Variants in PJA2 observed in about 807,000 individuals in gnomAD.
PJA2 encodes E3 ubiquitin-protein ligase Praja-2.
PJA2 carries 25 observed loss-of-function variants against 69.3 expected under a neutral mutation model. The observed-to-expected ratio is 0.36, with a 90% CI of 0.26 to 0.50. The LOEUF is 0.50. Ranked by LOEUF, PJA2 falls within the 20% of genes least tolerant of loss-of-function variation. The pLI, the probability that PJA2 is intolerant of heterozygous loss-of-function variation, is 0.96. For missense variants in PJA2, 809 were observed against 830.2 expected, an observed-to-expected ratio of 0.97 and a Z score of 0.31; for synonymous variants, 308 against 277.8, an observed-to-expected ratio of 1.11 and a Z score of -1.08.
intron 4 of PJA2, among the ~76,000 whole-genome samples, chr5:109,374,812 G>A (rs978439127): frequency 6.6e-6 from 1 of 152,194 alleles, no homozygotes; most frequent in Non-Finnish European, 1.5e-5. Flanking sequence ...TCTCTTCAGA[G>A]CAGTTAGGCC....
rs1747428737 is a variant in PJA2 at position 109,396,895 on chromosome 5, G to GA, written c.-88+12946dup. Among the ~76,000 whole-genome samples the GA allele has an allele frequency of 2.0e-5, 3 of 152,018 alleles. No homozygotes were observed. The South Asian group carries it at 6.2e-4, about 32-fold the overall frequency. The stretch of plus-strand genomic sequence containing the variant: ...AAAGAAAGTGAAAAGAAATATAAAA[G>GA]AAAAAATTGAGACATATAAGAAAAT... On this transcript the variant is annotated intron_variant, in intron 1 of 9. Transcript: ENST00000361189.
rs149500652 is a variant in PJA2 at position 109,371,594 on chromosome 5, T to C, written c.1284-2848A>G. Among the ~76,000 whole-genome samples the C allele has an allele frequency of 8.9e-4, 136 of 152,308 alleles. 2 individuals carry two copies. Among genetic ancestry groups the C allele is most frequent in the African/African-American group, 3.1e-3 (129 of 41,562 alleles). On this transcript the variant is annotated intron_variant, in intron 4 of 9. Transcript: ENST00000361189. The stretch of plus-strand genomic sequence containing the variant: ...ACCTATATAGTCAATTATTAATTGG[T>C]GTTCCTAAATTTAATTCCACTCCCT...
At chr5:109,390,205 A>G (rs1747249787) in intron 1 of PJA2, among the ~76,000 whole-genome samples, 1 of 152,040 alleles carries the variant, frequency 6.6e-6, no homozygotes, top group South Asian at 2.1e-4. Flanking sequence ...ATCTCCAGCT[A>G]GGAATACAGA....
chr5:109,408,145 G>A (rs1371421872), intron 1 of PJA2, among the ~76,000 whole-genome samples: 1 of 152,144 alleles, frequency 6.6e-6, no homozygotes, highest in Non-Finnish European at 1.5e-5. Flanking sequence ...ACACATAGAG[G>A]AAGTTTACTG....
chr5:109,389,619 T>G (rs1335761592), intron 1 of PJA2, among the ~76,000 whole-genome samples: 1 of 152,042 alleles, frequency 6.6e-6, no homozygotes, highest in Non-Finnish European at 1.5e-5. Context: ...CATTGATTTC[T>G]ACTTTTATAC....
At chr5:109,372,159 A>T (rs879435921) in intron 4 of PJA2, among the ~76,000 whole-genome samples, 1 of 152,246 alleles carries the variant, frequency 6.6e-6, no homozygotes, top group Non-Finnish European at 1.5e-5. Flanking sequence ...TGATTAAATT[A>T]AAAACATTGT....
rs1747796246 is a variant in PJA2, at chr5:109,409,945, G to C, written c.-191C>G. ...CTCCTCCCCCGCCGAACGCGAAGCGGCTGGCGGCTGTGGCGGCGGCGGCGG... is the reference window on the plus strand; with the variant it reads ...CTCCTCCCCCGCCGAACGCGAAGCGCCTGGCGGCTGTGGCGGCGGCGGCGG... On this transcript the variant is annotated 5_prime_UTR_variant, in exon 1 of 10. Coordinates refer to ENST00000361189, the MANE Select transcript of PJA2 (RefSeq NM_014819.5). 1 of 211,894 alleles carries C rather than the reference G, an allele frequency of 4.7e-6. No individual in the cohort carries two copies. The highest frequency in any genetic ancestry group is 1.6e-4 in the East Asian group (1 of 6,074). The allele number at this position is 211,894 out of a possible 1,614,324, so 13.1% of individuals were successfully genotyped here. A position where few individuals can be genotyped will look rare whatever the true frequency, so the allele number is the denominator to read the frequency against.
chr5:109,351,567 G>A (rs74375191), intron 7 of PJA2, among the ~76,000 whole-genome samples: 4,639 of 152,144 alleles, frequency 0.03, 95 homozygotes, highest in Middle Eastern at 0.048. Flanking sequence ...CAACATAAAT[G>A]TGCAAGGGGA....
chr5:109,363,035 T>C lies in PJA2; in HGVS notation c.1470-13A>G. The C allele has an allele frequency of 6.5e-7, 1 of 1,549,258 alleles. No homozygotes were observed. Among genetic ancestry groups the C allele is most frequent in the Non-Finnish European group, 8.8e-7 (1 of 1,139,334 alleles). On this transcript the variant is annotated splice_polypyrimidine_tract_variant and intron_variant, in intron 5 of 9. Coordinates refer to ENST00000361189, the MANE Select transcript of PJA2 (RefSeq NM_014819.5). ...GGATGTCTGTTCCCTAGTACAAACA[T>C]TTTAAAGGAAGAAAAAAATATTATT...
At chr5:109,361,639 C>T (rs1762507924) in intron 6 of PJA2, among the ~76,000 whole-genome samples, 1 of 152,132 alleles carries the variant, frequency 6.6e-6, no homozygotes, top group African/African-American at 2.4e-5. Flanking sequence ...AAAAGAGAGA[C>T]GTATCAAGAT....
chr5:109,360,801 C>T (rs1238324039), intron 6 of PJA2, among the ~76,000 whole-genome samples: 2 of 151,940 alleles, frequency 1.3e-5, no homozygotes, highest in African/African-American at 4.8e-5. Context: ...TGAATTAGAA[C>T]CTAAAGTAAC....
chr5:109,350,804 G>C (rs1024648632), intron 7 of PJA2, among the ~76,000 whole-genome samples: 1 of 152,104 alleles, frequency 6.6e-6, no homozygotes, highest in Non-Finnish European at 1.5e-5. Context: ...CTATACCTGG[G>C]TGTATACAGG....
intron 4 of PJA2, among the ~76,000 whole-genome samples, chr5:109,373,368 G>C (rs556301390): frequency 3.9e-5 from 6 of 152,076 alleles, no homozygotes; most frequent in Non-Finnish European, 7.4e-5. Flanking sequence ...AATGAGAGGG[G>C]CTACCTCTCT....
intron 7 of PJA2, among the ~76,000 whole-genome samples, chr5:109,347,729 T>C (rs777013769): frequency 6.6e-6 from 1 of 152,246 alleles, no homozygotes; most frequent in Non-Finnish European, 1.5e-5. Flanking sequence ...CTCTCAGCCT[T>C]AGACAGGAGG....
chr5:109,390,750 G>A (rs1184358792), intron 1 of PJA2: 1 of 151,262 alleles, frequency 6.6e-6, no homozygotes, highest in Admixed American at 6.6e-5. Flanking sequence ...CATTATCTTA[G>A]TGGTTTTCCT....
intron 5 of PJA2, among the ~76,000 whole-genome samples, chr5:109,365,523 A>T (rs1026909226): frequency 6.6e-6 from 1 of 152,170 alleles, no homozygotes; most frequent in Non-Finnish European, 1.5e-5. Flanking sequence ...GCTGGTTATA[A>T]TGGTTTTTAA....
intron 4 of PJA2, among the ~76,000 whole-genome samples, chr5:109,374,120 CA>C (rs1485028349): frequency 6.6e-6 from 1 of 152,098 alleles, no homozygotes; most frequent in Non-Finnish European, 1.5e-5. Context: ...GGATTATGTC[CA>C]AATATATAAG....
intron 1 of PJA2, among the ~76,000 whole-genome samples, chr5:109,394,612 A>G (rs1369202661): frequency 1.3e-5 from 2 of 152,190 alleles, no homozygotes; most frequent in Non-Finnish European, 2.9e-5. Flanking sequence ...CTGTGTTAGC[A>G]ACAGGTTTTT....
At chr5:109,362,739 A>G in intron 6 of PJA2, 101 bp downstream of exon 6, 4 of 1,241,872 alleles carry the variant, frequency 3.2e-6, no homozygotes, top group Non-Finnish European at 4.4e-6. Context: ...AACAGATGGG[A>G]AAATTATAAT....
Sources: allele counts gnomAD v4.1 joint callset (sites outside exome capture counted in the v4.1 genomes callset), GRCh38; gene constraint gnomAD v4.1.1; transcripts MANE v1.5; gene names NCBI Gene and HGNC (gene_info 2026-07-23, HGNC 2026-07-21).